NOX4: variants seen among roughly 807,000 people sequenced by gnomAD.
NOX4 encodes NADPH oxidase 4.
A neutral mutation model predicts 87.6 loss-of-function variants in NOX4; 69 were observed. That is an observed-to-expected ratio of 0.79 (90% confidence interval 0.65 to 0.96). The LOEUF is 0.96. NOX4 is among the 40% of genes least tolerant of loss of function. The probability of loss-of-function intolerance (pLI) is 0.00; values close to 1 mark genes in which losing one functional copy is unlikely to be tolerated. For missense variants in NOX4, 680 were observed against 681.5 expected (o/e 1.00, Z 0.02); for synonymous variants, 275 against 238.2 (o/e 1.15, Z -1.42).
Position 89,326,716 on chromosome 11 carries a change from C to G in NOX4, c.*40G>C. The G allele has an allele frequency of 1.9e-6, 3 of 1,589,618 alleles. No homozygotes were observed. The highest frequency in any genetic ancestry group is 2.6e-6 in the Non-Finnish European group (3 of 1,163,150). ...GAGTTTCAAAGTCTTAGAAATTGCA[C>G]TCATTCCTTCTTTAGAGTCCTGCTT... On this transcript the variant is annotated 3_prime_UTR_variant, in exon 18 of 18. Transcript: ENST00000263317.
intron 2 of NOX4, among the ~76,000 whole-genome samples, chr11:89,474,458 CAA>C (rs67342388): frequency 0.077 from 7,497 of 97,030 alleles, 514 homozygotes; most frequent in African/African-American, 0.21. Context: ...TCTATAATAC[CAA>C]AAAAAAAAAA....
At chr11:89,552,180 A>T in the NOX4 span, among the ~76,000 whole-genome samples, 1 of 152,204 alleles carries the variant, frequency 6.6e-6, no homozygotes, top group Admixed American at 6.5e-5. Flanking sequence ...TAACTTTATA[A>T]TACATTTCTG....
chr11:89,408,755 G>T (rs530529220), intron 8 of NOX4, among the ~76,000 whole-genome samples: 1 of 152,270 alleles, frequency 6.6e-6, no homozygotes, highest in African/African-American at 2.4e-5. Flanking sequence ...TGTAATCTGT[G>T]CAGGTGCACC....
intron 11 of NOX4, among the ~76,000 whole-genome samples, chr11:89,375,551 A>C (rs1178311499): frequency 6.6e-6 from 1 of 152,132 alleles, no homozygotes; most frequent in Non-Finnish European, 1.5e-5. Context: ...CATATTATCC[A>C]TCCACCTCAA....
rs1297291583 is a variant in NOX4 at position 89,490,887 on chromosome 11, A to G, written c.57+303T>C. ...ACAGAAGTAATCTGGGAAAAGAACA[A>G]AGGGAGCAAAAATGTTTAAAGGGTA... On this transcript the variant is annotated intron_variant, in intron 1 of 17. Coordinates refer to ENST00000263317, the MANE Select transcript of NOX4 (RefSeq NM_016931.5). The G allele has an allele frequency of 4.3e-6, 3 of 701,092 alleles. No homozygotes were observed. In the South Asian group the frequency reaches 4.5e-5, roughly 11 times the overall value. 43.4% of individuals were successfully genotyped at this position (701,092 alleles called of 1,614,324 possible).
At chr11:89,368,540 G>A (rs1939192350) in intron 12 of NOX4, among the ~76,000 whole-genome samples, 2 of 152,000 alleles carry the variant, frequency 1.3e-5, no homozygotes, top group Non-Finnish European at 1.5e-5. Flanking sequence ...CAAAGGGGGA[G>A]GAACACACAT....
intron 6 of NOX4, among the ~76,000 whole-genome samples, chr11:89,436,625 G>T (rs75447597): frequency 1.3e-5 from 2 of 151,950 alleles, no homozygotes; most frequent in African/African-American, 4.8e-5. Flanking sequence ...CTGAGAGATT[G>T]TTTTCATCCA....
the NOX4 span, among the ~76,000 whole-genome samples, chr11:89,579,352 T>A: frequency 6.6e-6 from 1 of 152,282 alleles, no homozygotes; most frequent in Admixed American, 6.5e-5. Flanking sequence ...TTGTAGTGAA[T>A]GTACCACTCT....
At chr11:89,532,320 G>A in the NOX4 span, among the ~76,000 whole-genome samples, 1 of 152,194 alleles carries the variant, frequency 6.6e-6, no homozygotes, top group East Asian at 1.9e-4. Context: ...AGCTACCCAA[G>A]GCCTTGGGAG....
rs555908894 is a variant in NOX4, at chr11:89,478,650, T to C, written c.153+11808A>G. 7.9e-5 allele frequency among the ~76,000 whole-genome samples: 12 copies of C among 152,064 alleles called. 1 individual carries two copies. The highest frequency in any genetic ancestry group is 2.9e-4 in the African/African-American group (12 of 41,404). On this transcript the variant is annotated intron_variant, in intron 2 of 17. Coordinates refer to ENST00000263317, the MANE Select transcript of NOX4 (RefSeq NM_016931.5). ...CCTAAAATTTGTGCACTGAACAAAA[T>C]GTATTTTCTTCAAGCATGACACACT...
At chr11:89,533,510 C>T in the NOX4 span, 1 of 150,980 alleles carries the variant, frequency 6.6e-6, no homozygotes, top group African/African-American at 2.4e-5. Flanking sequence ...GAAGAAATTA[C>T]TTGTGCCATA....
chr11:89,450,239 A>G (rs1404819927), intron 3 of NOX4, among the ~76,000 whole-genome samples: 1 of 152,200 alleles, frequency 6.6e-6, no homozygotes, highest in Non-Finnish European at 1.5e-5. Context: ...AGTTATTTTC[A>G]CAGATTACTG....
chr11:89,446,249 T>C (rs1020708870), intron 4 of NOX4, among the ~76,000 whole-genome samples: 1 of 152,130 alleles, frequency 6.6e-6, no homozygotes, highest in Admixed American at 6.6e-5. Flanking sequence ...GAAACTGTCA[T>C]TCATTGCAGG....
chr11:89,402,213 C>T, intron 9 of NOX4, 113 bp downstream of exon 9: 1 of 791,796 alleles, frequency 1.3e-6, no homozygotes, highest in Non-Finnish European at 2.1e-6. Context: ...TTGAAACATC[C>T]TGAAATATCC....
At chr11:89,523,946 A>G in the NOX4 span, among the ~76,000 whole-genome samples, 1 of 152,226 alleles carries the variant, frequency 6.6e-6, no homozygotes, top group Non-Finnish European at 1.5e-5. Flanking sequence ...GCGATTTAAA[A>G]ATAAAACAAA....
chr11:89,436,636 T>C (rs1469080430), intron 6 of NOX4, among the ~76,000 whole-genome samples: 1 of 152,168 alleles, frequency 6.6e-6, no homozygotes, highest in African/African-American at 2.4e-5. Context: ...TTTTCATCCA[T>C]ACCCAGATGT....
At chr11:89,483,041 T>C (rs1946455762) in intron 2 of NOX4, among the ~76,000 whole-genome samples, 1 of 152,054 alleles carries the variant, frequency 6.6e-6, no homozygotes. Flanking sequence ...AGAATCTCAG[T>C]TTCTCAATTC....
chr11:89,424,925 C>A (rs1297674725), intron 7 of NOX4, among the ~76,000 whole-genome samples: 1 of 151,940 alleles, frequency 6.6e-6, no homozygotes, highest in Admixed American at 6.6e-5. Context: ...TTTCATGATT[C>A]TAACAATAAA....
At chr11:89,536,870 C>A in the NOX4 span, among the ~76,000 whole-genome samples, 4 of 152,176 alleles carry the variant, frequency 2.6e-5, no homozygotes, top group African/African-American at 9.7e-5. Context: ...CAAGTCCACA[C>A]TGATTCAAAA....
Sources: gnomAD v4.1 joint callset for allele counts (sites outside exome capture counted in the v4.1 genomes callset) on GRCh38, gnomAD v4.1.1 for gene constraint, MANE v1.5 for transcripts, NCBI Gene and HGNC (gene_info 2026-07-23, HGNC 2026-07-21) for gene names.